SCRN1: variants seen among roughly 807,000 people sequenced by gnomAD.
SCRN1 encodes the protein secernin-1.
SCRN1 carries 19 observed loss-of-function variants against 43.3 expected under a neutral mutation model. The observed-to-expected ratio is 0.44, with a 90% CI of 0.31 to 0.64. SCRN1 has a LOEUF of 0.64. Among genes scored for constraint, SCRN1 ranks in the 30% least tolerant of loss-of-function variants. The pLI, the probability that SCRN1 is intolerant of heterozygous loss-of-function variation, is 0.09. For synonymous variants in SCRN1, 183 were observed against 188.9 expected (o/e 0.97, Z 0.26); for missense variants, 447 against 524.1 (o/e 0.85, Z 1.44).
In SCRN1 at chr7:29,989,756, T is replaced by C; in HGVS notation, c.-116A>G. 2.0e-6 allele frequency: 2 copies of C among 986,456 alleles called. No homozygotes were observed. Among genetic ancestry groups the C allele is most frequent in the Non-Finnish European group, 2.4e-6 (2 of 830,892 alleles). 61.1% of individuals were successfully genotyped at this position (986,456 alleles called of 1,614,324 possible). ...CTGCGGCGACCTCGGGGGCTGCAGC[T>C]GCAGTGGCGGAGGCGGCCGCCGGGC... is the stretch of plus-strand genomic sequence containing the variant. On this transcript the variant is annotated 5_prime_UTR_variant, in exon 1 of 8. Transcript: ENST00000242059.
chr7:29,986,227 C>A (rs1184739188), intron 1 of SCRN1, among the ~76,000 whole-genome samples: 1 of 152,208 alleles, frequency 6.6e-6, no homozygotes, highest in Non-Finnish European at 1.5e-5. Flanking sequence ...CGGAGGGAGG[C>A]CCTGTCTCGA....
At position 29,921,457 on chromosome 7, in the gene SCRN1, C is replaced by T. The variant is rs1786754398; in HGVS notation, c.*2500G>A. ...AGCTGTTAATATAAGTACATAAAGT[C>T]ACTAAAAGTAAGCGCAGCCACATCA... On this transcript the variant is annotated 3_prime_UTR_variant, in exon 8 of 8. Coordinates refer to ENST00000242059, the MANE Select transcript of SCRN1 (RefSeq NM_014766.5). The T allele has an allele frequency of 6.6e-6, 1 of 152,206 alleles. No individual in the cohort carries two copies. Among genetic ancestry groups the T allele is most frequent in the Admixed American group, 6.5e-5 (1 of 15,280 alleles). The allele number at this position is 152,206 out of a possible 1,614,324, so 9.4% of individuals were successfully genotyped here.
chr7:29,932,355 A>G (rs1787183480), intron 6 of SCRN1, among the ~76,000 whole-genome samples: 1 of 152,136 alleles, frequency 6.6e-6, no homozygotes. Flanking sequence ...CTAGATGGTA[A>G]TATCTTGCCC....
intron 6 of SCRN1, among the ~76,000 whole-genome samples, chr7:29,931,048 A>C (rs1787138873): frequency 6.6e-6 from 1 of 152,240 alleles, no homozygotes; most frequent in Non-Finnish European, 1.5e-5. Flanking sequence ...GATCTGCAGA[A>C]TTTTAGCCTT....
At chr7:29,989,593 G>T (rs946411408) in intron 1 of SCRN1, 49 bp downstream of exon 1, 1 of 985,698 alleles carries the variant, frequency 1.0e-6, no homozygotes, top group Non-Finnish European at 1.2e-6. Flanking sequence ...GGGTGAAACC[G>T]CCGGGAAAGC....
Position 29,944,677 on chromosome 7 carries a change from A to AAAG in SCRN1, c.342-499_342-498insCTT, listed in dbSNP as rs777163235. Among the ~76,000 whole-genome samples, 6 of 150,766 alleles carry AAAG rather than the reference A, an allele frequency of 4.0e-5. No homozygotes were observed. In the East Asian group the frequency reaches 1.2e-3, roughly 30 times the overall value. On this transcript the variant is annotated intron_variant, in intron 3 of 7. Coordinates refer to ENST00000242059, the MANE Select transcript of SCRN1 (RefSeq NM_014766.5). ...GACCCTGTCTCAAAAAAAAAAAAAA[A>AAAG]AAAGAAAGAAAGAAAGAAAGAAAAA... is the stretch of plus-strand genomic sequence containing the variant.
At chr7:29,975,354 G>A (rs1012507077) in intron 1 of SCRN1, among the ~76,000 whole-genome samples, 1 of 152,144 alleles carries the variant, frequency 6.6e-6, no homozygotes, top group African/African-American at 2.4e-5. Flanking sequence ...GCATAATTCT[G>A]AAGCTGCTTT....
intron 6 of SCRN1, among the ~76,000 whole-genome samples, chr7:29,931,635 G>T (rs888389103): frequency 2.6e-5 from 4 of 152,074 alleles, no homozygotes; most frequent in Non-Finnish European, 4.4e-5. Flanking sequence ...AATATCACTG[G>T]CTAGCCAACA....
chr7:29,986,581 T>C (rs1789161495), intron 1 of SCRN1, among the ~76,000 whole-genome samples: 1 of 152,164 alleles, frequency 6.6e-6, no homozygotes, highest in African/African-American at 2.4e-5. Context: ...AAAATAACTT[T>C]TGTTTATCTG....
chr7:29,959,044 G>A (rs1006832752), intron 2 of SCRN1, among the ~76,000 whole-genome samples: 2 of 152,136 alleles, frequency 1.3e-5, no homozygotes, highest in South Asian at 2.1e-4. Flanking sequence ...GTGAGATTAC[G>A]TCGAAAATGA....
chr7:29,941,505 T>C (rs1452435106), intron 4 of SCRN1, among the ~76,000 whole-genome samples: 1 of 152,262 alleles, frequency 6.6e-6, no homozygotes, highest in Non-Finnish European at 1.5e-5. Flanking sequence ...AATAATTGAA[T>C]ATATTCATGA....
chr7:29,936,531 C>T, intron 6 of SCRN1, 25 bp downstream of exon 6: 1 of 1,534,838 alleles, frequency 6.5e-7, no homozygotes, highest in Non-Finnish European at 8.9e-7. Flanking sequence ...TATGTTCTGC[C>T]TACGTGACCA....
intron 6 of SCRN1, among the ~76,000 whole-genome samples, chr7:29,934,636 G>C (rs536887969): frequency 6.6e-6 from 1 of 152,232 alleles, no homozygotes; most frequent in Non-Finnish European, 1.5e-5. Context: ...AGGGAAGACG[G>C]AGCCCCAAAT....
chr7:29,957,956 A>T (rs540259979), intron 2 of SCRN1, among the ~76,000 whole-genome samples: 1 of 152,204 alleles, frequency 6.6e-6, no homozygotes, highest in South Asian at 2.1e-4. Flanking sequence ...CAATTGAATC[A>T]AAAAGACCAG....
At chr7:29,942,963 T>C (rs1263888934) in intron 4 of SCRN1, among the ~76,000 whole-genome samples, 1 of 152,186 alleles carries the variant, frequency 6.6e-6, no homozygotes, top group Non-Finnish European at 1.5e-5. Flanking sequence ...TTGATTCCCA[T>C]CTACTGTGGT....
chr7:29,990,074 A>G, upstream of SCRN1: 3 of 1,519,502 alleles, frequency 2.0e-6, no homozygotes, highest in Non-Finnish European at 2.6e-6. Flanking sequence ...CCCGGGCTTC[A>G]AGGAGCCAGG....
intron 1 of SCRN1, among the ~76,000 whole-genome samples, chr7:29,982,302 T>A (rs532385129): frequency 1.2e-4 from 18 of 152,272 alleles, no homozygotes; most frequent in African/African-American, 4.3e-4. Context: ...TATACATATA[T>A]GTGTGTGTGT....
chr7:29,986,249 ACAGATGCGAAC>A (rs1459617908), intron 1 of SCRN1, among the ~76,000 whole-genome samples: 97 of 152,254 alleles, frequency 6.4e-4, no homozygotes, highest in Non-Finnish European at 1.0e-4. Context: ...AGAGAGCAAG[ACAGATGCGAAC>A]CATATTTGCA....
chr7:29,974,666 C>A (rs1021133650), intron 1 of SCRN1, among the ~76,000 whole-genome samples: 11 of 150,688 alleles, frequency 7.3e-5, no homozygotes, highest in Admixed American at 6.6e-5. Context: ...TATTTGTTTA[C>A]ACGATTCTTT....
Sources: allele counts gnomAD v4.1 joint callset (sites outside exome capture counted in the v4.1 genomes callset), GRCh38; gene constraint gnomAD v4.1.1; transcripts MANE v1.5; gene names NCBI Gene and HGNC (gene_info 2026-07-23, HGNC 2026-07-21).